TSPEAR: variants seen among roughly 807,000 people sequenced by gnomAD.
TSPEAR encodes thrombospondin type laminin G domain and EAR repeats.
In TSPEAR, 69 loss-of-function variants were observed where a neutral mutation model predicts 71.6. That is an observed-to-expected ratio of 0.96 (90% CI 0.79 to 1.18). The LOEUF is 1.18. Ranked by LOEUF, TSPEAR falls within the 50% of genes most tolerant of loss-of-function variation. The pLI, the probability that TSPEAR is intolerant of heterozygous loss-of-function variation, is 0.00. For missense variants in TSPEAR, 971 were observed against 894.9 expected (o/e 1.09, Z -1.09); for synonymous variants, 402 against 387.2 (o/e 1.04, Z -0.45).
chr21:44,581,552 C>T (rs975079664), intron 1 of TSPEAR, among the ~76,000 whole-genome samples: 54 of 152,324 alleles, frequency 3.5e-4, no homozygotes, highest in African/African-American at 1.3e-3. Flanking sequence ...CTCCGTTTAA[C>T]TCTCTGGGAA....
intron 1 of TSPEAR, among the ~76,000 whole-genome samples, chr21:44,616,572 T>C (rs1982110968): frequency 6.6e-6 from 1 of 152,148 alleles, no homozygotes; most frequent in African/African-American, 2.4e-5. Flanking sequence ...AGCCTCCTTC[T>C]CCACCTCCCA....
intron 1 of TSPEAR, among the ~76,000 whole-genome samples, chr21:44,694,818 G>A (rs1344132737): frequency 2.6e-5 from 4 of 152,216 alleles, no homozygotes; most frequent in African/African-American, 9.7e-5. Context: ...GTAGCTCGTG[G>A]AGGAAGTGGG....
At chr21:44,574,956 C>G (rs370643972) in intron 1 of TSPEAR, 3 of 1,606,892 alleles carry the variant, frequency 1.9e-6, no homozygotes, top group Non-Finnish European at 1.7e-6. Flanking sequence ...CTGCGTGTCC[C>G]TCCTCTGACG....
intron 9 of TSPEAR, chr21:44,518,432 C>T (rs2052654405): frequency 2.5e-6 from 1 of 395,282 alleles, no homozygotes; most frequent in Non-Finnish European, 5.2e-6. Context: ...GCTTTAGGAT[C>T]ACGGTGTTGG....
intron 2 of TSPEAR, chr21:44,540,031 G>C (rs370825100): frequency 6.2e-7 from 1 of 1,613,006 alleles, no homozygotes; most frequent in Non-Finnish European, 8.5e-7. Context: ...TCAGGCAGGG[G>C]GCCGGGGCGC....
At chr21:44,632,690 A>C (rs1411295261) in intron 1 of TSPEAR, among the ~76,000 whole-genome samples, 1 of 152,114 alleles carries the variant, frequency 6.6e-6, no homozygotes, top group African/African-American at 2.4e-5. Flanking sequence ...ACACACAAAA[A>C]AAAATAGCTG....
rs150268113 is a variant in TSPEAR, at chr21:44,499,915, G to T, written c.1878C>A (p.Phe626Leu). Residue 626 changes from phenylalanine to leucine, a missense_variant, in exon 12 of 12, where the codon TTC (phenylalanine) becomes TTA (leucine). Coordinates refer to ENST00000323084, the MANE Select transcript of TSPEAR (RefSeq NM_144991.3). ...CGGTGGGGAGGCTGTGCACCGCCAC[G>T]AAGCCCTCGTAGCCCTGCCACCTGC... ...IIYRWQGYEGFVAVHSLPTVG... is the reference protein window; with the variant it reads ...IIYRWQGYEGLVAVHSLPTVG... 1 of 1,607,804 alleles carries T rather than the reference G, an allele frequency of 6.2e-7. No homozygotes were observed. The highest frequency in any genetic ancestry group is 2.2e-5 in the East Asian group (1 of 44,446).
chr21:44,650,546 A>C (rs1305298492), intron 1 of TSPEAR, among the ~76,000 whole-genome samples: 1 of 152,220 alleles, frequency 6.6e-6, no homozygotes, highest in Non-Finnish European at 1.5e-5. Context: ...CCCAGAAAAC[A>C]GGACAGAGTC....
chr21:44,513,468 G>T (rs1379510378), intron 9 of TSPEAR, among the ~76,000 whole-genome samples: 1 of 152,234 alleles, frequency 6.6e-6, no homozygotes, highest in Non-Finnish European at 1.5e-5. Context: ...GGCTGGCACG[G>T]GAGCCAAGCG....
intron 3 of TSPEAR, among the ~76,000 whole-genome samples, chr21:44,532,450 G>A (rs1315896031): frequency 2.0e-5 from 3 of 152,198 alleles, no homozygotes; most frequent in Admixed American, 6.5e-5. Context: ...TCCCTGGGAG[G>A]CTTCCAGCTC....
rs56129761 is a variant in TSPEAR, at chr21:44,597,437, C to CTT, written c.83-29434_83-29433dup. ...CTTTTTCTTTTTCTTTCTTTCTTTT[C>CTT]TTTTTTTTTTTTTTGATGGAGTCTC... On this transcript the variant is annotated intron_variant, in intron 1 of 11. Transcript: ENST00000323084. 5.5e-4 allele frequency among the ~76,000 whole-genome samples: 65 copies of CTT among 119,218 alleles called. 1 individual carries two copies. The highest frequency in any genetic ancestry group is 1.6e-3 in the African/African-American group (46 of 29,470). 78.2% of individuals were successfully genotyped at this position (119,218 alleles called of 152,430 possible).
chr21:44,673,888 G>A (rs1209306948), intron 1 of TSPEAR, among the ~76,000 whole-genome samples: 1 of 146,376 alleles, frequency 6.8e-6, no homozygotes, highest in Non-Finnish European at 1.5e-5. Context: ...CATTAATAAG[G>A]AAATCAAAAA....
intron 1 of TSPEAR, among the ~76,000 whole-genome samples, chr21:44,570,588 G>A (rs768346426): frequency 1.1e-4 from 16 of 152,306 alleles, no homozygotes; most frequent in Admixed American, 2.6e-4. Context: ...GGAGGGAACC[G>A]GGCGCTGCTT....
intron 2 of TSPEAR, among the ~76,000 whole-genome samples, chr21:44,558,915 G>A (rs1403685923): frequency 1.3e-5 from 2 of 152,148 alleles, no homozygotes; most frequent in Non-Finnish European, 2.9e-5. Context: ...TGTGTTAGTA[G>A]TGTTGGTTCA....
At chr21:44,591,792 G>C in intron 1 of TSPEAR, 1 of 1,586,204 alleles carries the variant, frequency 6.3e-7, no homozygotes, top group Non-Finnish European at 8.6e-7. Flanking sequence ...CGCAGCAGAC[G>C]GGCACGCAGC....
intron 1 of TSPEAR, among the ~76,000 whole-genome samples, chr21:44,653,196 T>C (rs1261338073): frequency 1.3e-5 from 2 of 152,132 alleles, no homozygotes; most frequent in Admixed American, 6.5e-5. Context: ...CCTTGCCTTT[T>C]CCTGAACAAG....
intron 1 of TSPEAR, among the ~76,000 whole-genome samples, chr21:44,581,343 A>G (rs1442813773): frequency 6.6e-6 from 1 of 152,252 alleles, no homozygotes; most frequent in Non-Finnish European, 1.5e-5. Context: ...AATGTACTCA[A>G]CTTTACCCTC....
At chr21:44,676,031 A>G in intron 1 of TSPEAR, 2 of 868,704 alleles carry the variant, frequency 2.3e-6, no homozygotes, top group Non-Finnish European at 2.0e-6. Flanking sequence ...TTTTGCTACT[A>G]GCTCCAGATC....
intron 2 of TSPEAR, among the ~76,000 whole-genome samples, chr21:44,535,474 A>G (rs2053072470): frequency 6.6e-6 from 1 of 152,264 alleles, no homozygotes; most frequent in Admixed American, 6.5e-5. Context: ...ACGTACGGCC[A>G]GAGCCTGTTT....
Sources: allele counts gnomAD v4.1 joint callset (sites outside exome capture counted in the v4.1 genomes callset), GRCh38; gene constraint gnomAD v4.1.1; transcripts MANE v1.5; gene names NCBI Gene and HGNC (gene_info 2026-07-23, HGNC 2026-07-21).